The following BMP1 variants were observed in gnomAD, a reference collection of about 807,000 sequenced individuals.
BMP1 encodes mammalian tolloid protein.
A neutral mutation model predicts 116.8 loss-of-function variants in BMP1; 63 were observed. That is an observed-to-expected ratio of 0.54 (90% CI 0.44 to 0.67). The LOEUF is 0.67. BMP1 is among the 30% of genes least tolerant of loss of function. The probability of loss-of-function intolerance (pLI) is 0.00; values close to 1 mark genes in which losing one functional copy is unlikely to be tolerated. For missense variants in BMP1, 1,183 were observed against 1,358.9 expected (o/e 0.87, Z 2.04); for synonymous variants, 536 against 533.4 (o/e 1.00, Z -0.07).
chr8:22,201,147 G>T (rs1014309086), intron 15 of BMP1: 3 of 1,612,946 alleles, frequency 1.9e-6, no homozygotes, highest in Admixed American at 1.7e-5. Flanking sequence ...GCCCCCTCGG[G>T]GACGCCCCCA....
chr8:22,205,472 T>C (rs940982812), intron 16 of BMP1, among the ~76,000 whole-genome samples: 1 of 151,908 alleles, frequency 6.6e-6, no homozygotes, highest in Admixed American at 6.6e-5. Flanking sequence ...ACCCTGGAGG[T>C]CTCTCTAAAA....
intron 1 of BMP1, 116 bp downstream of exon 1, chr8:22,165,669 A>T: frequency 5.4e-6 from 5 of 920,182 alleles, no homozygotes; most frequent in Non-Finnish European, 5.9e-6. Context: ...CTGGTTGGCA[A>T]TGCAGTGGGG....
chr8:22,210,296 T>C (rs970148636), intron 19 of BMP1, among the ~76,000 whole-genome samples: 4 of 151,568 alleles, frequency 2.6e-5, no homozygotes, highest in Non-Finnish European at 5.9e-5. Flanking sequence ...GGCTTTTCCC[T>C]AAGGACATGG....
rs775623879 is a variant in BMP1 at position 22,207,431 on chromosome 8, C to T, written c.2490C>T (p.Val830=). 41 of 1,614,008 alleles carry T rather than the reference C, an allele frequency of 2.5e-5. No homozygotes were observed. Among genetic ancestry groups the T allele is most frequent in the Non-Finnish European group, 3.4e-5 (40 of 1,180,054 alleles). The part of the protein sequence containing the change: ...RFCGSKKPEP[V]LATGSRMFLR... ...GTGGGAGCAAGAAGCCCGAGCCCGT[C>T]CTGGCCACAGGCAGCCGCATGTTCC... Residue 830 remains valine, a synonymous_variant, in exon 18 of 20, where the codon GTC becomes GTT. Transcript: ENST00000306385.
intron 1 of BMP1, among the ~76,000 whole-genome samples, chr8:22,169,147 G>T (rs539925480): frequency 1.3e-5 from 2 of 149,114 alleles, no homozygotes; most frequent in African/African-American, 5.0e-5. Flanking sequence ...TGATTGTGCC[G>T]CTGCACTCTA....
chr8:22,189,705 G>A (rs556843693), intron 8 of BMP1, among the ~76,000 whole-genome samples: 4 of 151,936 alleles, frequency 2.6e-5, no homozygotes, highest in Non-Finnish European at 4.4e-5. Context: ...GGACTCAAGC[G>A]ATCCTCTTGC....
At chr8:22,210,738 C>G (rs1211278753) in intron 19 of BMP1, among the ~76,000 whole-genome samples, 1 of 152,178 alleles carries the variant, frequency 6.6e-6, no homozygotes. Flanking sequence ...CCTGGTGTCC[C>G]CTGGCTGCCA....
chr8:22,201,109 T>A, intron 15 of BMP1: 2 of 1,509,962 alleles, frequency 1.3e-6, no homozygotes. Context: ...CTTCTCTCTC[T>A]CGTTTCAGAA....
Position 22,176,864 on chromosome 8 carries a change from TCCCCTGCCGCCCCGC to T in BMP1, c.552-92_552-78del, listed in dbSNP as rs895733667. On this transcript the variant is annotated intron_variant, in intron 4 of 19. Transcript: ENST00000306385. ...CTCAGGGCCCACCCCTCCCCTTCGCTCCCCTGCCGCCCCGCCCCCGGCAGCCTGGCCCCGCCCCTG... is the reference window on the plus strand; with the variant it reads ...CTCAGGGCCCACCCCTCCCCTTCGCTCCCCGGCAGCCTGGCCCCGCCCCTG... The T allele has an allele frequency of 6.2e-6, 7 of 1,127,750 alleles. No individual in the cohort carries two copies. The Admixed American group carries it at 1.4e-4, about 22-fold the overall frequency. The allele number at this position is 1,127,750 out of a possible 1,614,324, so 69.9% of individuals were successfully genotyped here.
At chr8:22,201,672 G>A in intron 15 of BMP1, 131 bp from the exon 16 acceptor site, 1 of 1,469,264 alleles carries the variant, frequency 6.8e-7, no homozygotes, top group South Asian at 1.3e-5. Context: ...CGGCCACCTG[G>A]CCTGGCCAGC....
chr8:22,209,693 G>T lies in BMP1; in HGVS notation c.2824G>T (p.Gly942Trp). The change falls in exon 19 of 20, where the codon GGG becomes TGG. Residue 942 changes from glycine (G) to tryptophan (W), a missense_variant and splice_region_variant. By Grantham distance (184) the Gly-to-Trp change is radical (BLOSUM62 -2). Around this residue, in one of 4 missense-constraint regions of BMP1, gnomAD observed 956 missense variants for 1,135.2 expected, o/e 0.84. Coordinates refer to ENST00000306385, the MANE Select transcript of BMP1 (RefSeq NM_006129.5). ...CAGGCTGGGGCGCTACTGTGGCTCA[G>T]GGGTGAGGCCCCCACCCCTCGCCCT... ...APRLGRYCGSGPPEEVYSAGD... is the reference protein window; with the variant it reads ...APRLGRYCGSWPPEEVYSAGD... 6.2e-7 allele frequency: 1 copy of T among 1,613,268 alleles called. No homozygotes were observed. The highest frequency in any genetic ancestry group is 1.3e-5 in the African/African-American group (1 of 75,014).
chr8:22,211,878 G>A lies in BMP1; in HGVS notation c.*150G>A, dbSNP rs1829468655. The A allele has an allele frequency of 4.1e-6, 5 of 1,215,946 alleles. No homozygotes were observed. The highest frequency in any genetic ancestry group is 5.7e-6 in the Non-Finnish European group (5 of 881,028). 75.3% of individuals were successfully genotyped at this position (1,215,946 alleles called of 1,614,324 possible). A position where few individuals can be genotyped will look rare whatever the true frequency, so the allele number is the denominator to read the frequency against. On this transcript the variant is annotated 3_prime_UTR_variant, in exon 20 of 20. Coordinates refer to ENST00000306385, the MANE Select transcript of BMP1 (RefSeq NM_006129.5). ...TGGCCTGGTGAGACTGTCCATAGGA[G>A]GTGGGGGAACTGGACTCCGGCATAA... is the stretch of plus-strand genomic sequence containing the variant.
chr8:22,188,764 G>A (rs186304275), intron 8 of BMP1, among the ~76,000 whole-genome samples: 2 of 152,306 alleles, frequency 1.3e-5, no homozygotes, highest in South Asian at 2.1e-4. Context: ...TGGAGCTCTC[G>A]GGTGGGCCCT....
At chr8:22,187,880 A>G (rs1209435157) in intron 8 of BMP1, among the ~76,000 whole-genome samples, 2 of 152,174 alleles carry the variant, frequency 1.3e-5, no homozygotes, top group African/African-American at 4.8e-5. Flanking sequence ...GGCAGATAGT[A>G]TCATCATTAC....
At chr8:22,165,623 G>A in intron 1 of BMP1, 70 bp downstream of exon 1, 1 of 1,470,574 alleles carries the variant, frequency 6.8e-7, no homozygotes, top group Non-Finnish European at 9.0e-7. Flanking sequence ...CTTGGGGTTG[G>A]GGGAGGACAG....
chr8:22,194,743 G>C lies in BMP1; in HGVS notation c.1463G>C (p.Cys488Ser). The C allele has an allele frequency of 6.2e-7, 1 of 1,608,486 alleles. No individual in the cohort carries two copies. The highest frequency in any genetic ancestry group is 8.5e-7 in the Non-Finnish European group (1 of 1,177,040). Residue 488 changes from cysteine to serine, a missense_variant, in exon 12 of 20, where the codon TGT (cysteine) becomes TCT (serine). By Grantham distance (112) the Cys-to-Ser change is moderately radical. This residue lies in a region of BMP1 where 956 missense variants were observed against 1,135.2 expected (regional missense o/e 0.84). Transcript: ENST00000306385. The surrounding 1 kb of genome is among the most constrained non-coding windows in gnomAD (Gnocchi z 4.5). ...QSFEIERHDS[C>S]AYDYLEVRDG... ...CCCTAGATTGAGCGCCACGACAGCTGTGCCTACGACTATCTGGAGGTGCGC... is the reference window on the plus strand; with the variant it reads ...CCCTAGATTGAGCGCCACGACAGCTCTGCCTACGACTATCTGGAGGTGCGC...
intron 8 of BMP1, among the ~76,000 whole-genome samples, chr8:22,184,659 C>A (rs555244666): frequency 6.6e-6 from 1 of 152,304 alleles, no homozygotes; most frequent in African/African-American, 2.4e-5. Context: ...AAGCATTAGG[C>A]ACCTTACATG....
At chr8:22,184,317 C>G (rs191096956) in intron 8 of BMP1, among the ~76,000 whole-genome samples, 6 of 152,350 alleles carry the variant, frequency 3.9e-5, no homozygotes, top group Non-Finnish European at 7.3e-5. Flanking sequence ...ACTAGTCTCT[C>G]TAGTGGACGC....
At chr8:22,202,089 C>T (rs1586470063) in intron 16 of BMP1, among the ~76,000 whole-genome samples, 161 bp downstream of exon 16, 1 of 152,228 alleles carries the variant, frequency 6.6e-6, no homozygotes, top group African/African-American at 2.4e-5. Context: ...ATCCTCCTCC[C>T]GCAGTGTCGG....
Sources: gnomAD v4.1 joint callset for allele counts (sites outside exome capture counted in the v4.1 genomes callset) on GRCh38, gnomAD v4.1.1 for gene constraint, gnomAD v4.1.1 regional missense constraint, Gnocchi (gnomAD v3.1) non-coding constraint, MANE v1.5 for transcripts, NCBI Gene and HGNC (gene_info 2026-07-23, HGNC 2026-07-21) for gene names.